The following ZNF532 variants were observed in gnomAD, a reference collection of about 807,000 sequenced individuals.
ZNF532 encodes the protein zinc finger protein 532.
A neutral mutation model predicts 89.3 loss-of-function variants in ZNF532; 22 were observed. The ratio of observed to expected loss-of-function variants is 0.25; its 90% CI spans 0.18 to 0.35. ZNF532 has a LOEUF of 0.35. ZNF532 is among the 10% of genes least tolerant of loss of function. The pLI is 1.00. For synonymous variants in ZNF532, 606 were observed against 649.6 expected (o/e 0.93, Z 1.02); for missense variants, 1,132 against 1,643.4 (o/e 0.69, Z 5.38).
intron 2 of ZNF532, among the ~76,000 whole-genome samples, chr18:58,875,289 G>T (rs550203112): frequency 6.6e-6 from 1 of 152,234 alleles, no homozygotes; most frequent in South Asian, 2.1e-4. Flanking sequence ...GGGATTATGG[G>T]CATGAGCCAC....
chr18:58,907,167 C>G (rs1208862471), intron 2 of ZNF532, among the ~76,000 whole-genome samples: 1 of 151,990 alleles, frequency 6.6e-6, no homozygotes, highest in African/African-American at 2.4e-5. Context: ...AAGGCTGCTG[C>G]TGCTGCTTAT....
Position 58,888,803 on chromosome 18 carries a change from AT to A in ZNF532, c.-18+23225del, listed in dbSNP as rs1568246976. On this transcript the variant is annotated intron_variant, in intron 2 of 9. Coordinates refer to ENST00000591808, the MANE Select transcript of ZNF532 (RefSeq NM_001375912.1). ...TATATATAAAATATATATAATTTATATATATAAAAAATTATATATATAAATT... is the reference window on the plus strand; with the variant it reads ...TATATATAAAATATATATAATTTATAATATAAAAAATTATATATATAAATT... Among the ~76,000 whole-genome samples the A allele has an allele frequency of 1.8e-4, 11 of 60,086 alleles. No homozygotes were observed. The South Asian group carries it at 2.9e-3, about 16-fold the overall frequency. 39.4% of individuals were successfully genotyped at this position (60,086 alleles called of 152,430 possible).
At chr18:58,969,711 A>T in intron 7 of ZNF532, among the ~76,000 whole-genome samples, 1 of 152,208 alleles carries the variant, frequency 6.6e-6, no homozygotes. Context: ...TTACTTTTTA[A>T]TGTTGTTAAC....
At chr18:58,916,836 A>T (rs2060635041) in intron 2 of ZNF532, 2 of 599,220 alleles carry the variant, frequency 3.3e-6, no homozygotes, top group Non-Finnish European at 4.2e-6. Context: ...TTGACCCTGG[A>T]ATAGTTACTT....
chr18:58,939,865 G>T, intron 5 of ZNF532: 2 of 299,788 alleles, frequency 6.7e-6, no homozygotes, highest in Non-Finnish European at 1.2e-5. Context: ...TGCTCAACAA[G>T]TAAATATTTA....
chr18:58,966,288 A>G (rs1007682417), intron 7 of ZNF532, among the ~76,000 whole-genome samples: 1 of 152,190 alleles, frequency 6.6e-6, no homozygotes, highest in Non-Finnish European at 1.5e-5. Flanking sequence ...ATATATTTTT[A>G]AGAATAGCTA....
intron 7 of ZNF532, among the ~76,000 whole-genome samples, chr18:58,959,329 G>GT (rs2065125135): frequency 6.9e-6 from 1 of 145,960 alleles, no homozygotes; most frequent in African/African-American, 2.6e-5. Context: ...CTAAAGTGCA[G>GT]TAGGGTAATC....
intron 7 of ZNF532, among the ~76,000 whole-genome samples, chr18:58,955,641 G>A (rs2064692841): frequency 6.6e-6 from 1 of 152,212 alleles, no homozygotes; most frequent in Non-Finnish European, 1.5e-5. Flanking sequence ...AATGGCCTGT[G>A]AACATGGCTG....
At chr18:58,889,420 C>A (rs1348794310) in intron 2 of ZNF532, among the ~76,000 whole-genome samples, 1 of 152,178 alleles carries the variant, frequency 6.6e-6, no homozygotes, top group African/African-American at 2.4e-5. Flanking sequence ...CTGTAAAATA[C>A]AGTTAGTAAG....
At chr18:58,974,152 A>G (rs1229477958) in intron 7 of ZNF532, among the ~76,000 whole-genome samples, 1 of 152,008 alleles carries the variant, frequency 6.6e-6, no homozygotes, top group Non-Finnish European at 1.5e-5. Flanking sequence ...TTTTTTTTGG[A>G]TATGTGCTAT....
At chr18:58,876,126 G>T (rs1233930181) in intron 2 of ZNF532, among the ~76,000 whole-genome samples, 1 of 151,942 alleles carries the variant, frequency 6.6e-6, no homozygotes, top group Non-Finnish European at 1.5e-5. Flanking sequence ...AGTAGAGACG[G>T]GGTTTCACCG....
chr18:58,911,417 G>A (rs1029849879), intron 2 of ZNF532, among the ~76,000 whole-genome samples: 12 of 152,178 alleles, frequency 7.9e-5, no homozygotes, highest in Non-Finnish European at 1.0e-4. Flanking sequence ...AAGAGGGAGA[G>A]ATTAGTAACA....
chr18:58,941,179 CT>C (rs1028372023), intron 5 of ZNF532, among the ~76,000 whole-genome samples: 5 of 152,132 alleles, frequency 3.3e-5, no homozygotes, highest in Admixed American at 1.3e-4. Context: ...GTCTTGATGT[CT>C]TGACTCTGAA....
chr18:58,973,951 A>T (rs1427710107), intron 7 of ZNF532, among the ~76,000 whole-genome samples: 1 of 152,146 alleles, frequency 6.6e-6, no homozygotes, highest in Non-Finnish European at 1.5e-5. Flanking sequence ...CAGAGATAGA[A>T]AGCAAATCCC....
Position 58,866,278 on chromosome 18 carries a change from C to T in ZNF532, c.-18+699C>T, listed in dbSNP as rs914530909. 5.9e-5 allele frequency among the ~76,000 whole-genome samples: 9 copies of T among 152,138 alleles called. No individual in the cohort carries two copies. In the East Asian group the frequency reaches 1.5e-3, roughly 26 times the overall value. On this transcript the variant is annotated intron_variant, in intron 2 of 9. Transcript: ENST00000591808. ...GAAAATGTCTGATGCCTTTAAAGAT[C>T]GCAGTTAGGTTTGAGCAGGCATTTT... is the stretch of plus-strand genomic sequence containing the variant.
In ZNF532 at chr18:58,953,542, A is replaced by G. The variant is rs1276805635; in HGVS notation, c.2893A>G (p.Ile965Val). 1 of 1,612,508 alleles carries G rather than the reference A, an allele frequency of 6.2e-7. No individual in the cohort carries two copies. The highest frequency in any genetic ancestry group is 8.5e-7 in the Non-Finnish European group (1 of 1,179,244). Residue 965 changes from isoleucine to valine, a missense_variant, in exon 7 of 10, where the codon ATT (isoleucine) becomes GTT (valine). This residue lies in a region of ZNF532 where 415 missense variants were observed against 604.8 expected (regional missense o/e 0.69). Transcript: ENST00000591808. ...GTCTATGCATGGAACATTGAAAAGTATTGAAGGGCCTCCAAACTTGGGTAT... is the reference window on the plus strand; with the variant it reads ...GTCTATGCATGGAACATTGAAAAGTGTTGAAGGGCCTCCAAACTTGGGTAT... The part of the protein sequence containing the change: ...IKSMHGTLKS[I>V]EGPPNLGINL...
intron 9 of ZNF532, among the ~76,000 whole-genome samples, chr18:58,982,120 A>T (rs1225784464): frequency 6.6e-6 from 1 of 151,914 alleles, no homozygotes; most frequent in African/African-American, 2.4e-5. Context: ...CAACATGGTG[A>T]AACCCCATCT....
In ZNF532 at chr18:58,918,656, C is replaced by T; in HGVS notation, c.369C>T (p.Asp123=). 6.2e-7 allele frequency: 1 copy of T among 1,614,162 alleles called. No homozygotes were observed. Among genetic ancestry groups the T allele is most frequent in the South Asian group, 1.1e-5 (1 of 91,088 alleles). The change falls in exon 3 of 10, where the codon GAC becomes GAT. Residue 123 remains aspartate, a synonymous_variant. Coordinates refer to ENST00000591808, the MANE Select transcript of ZNF532 (RefSeq NM_001375912.1). The part of the protein sequence containing the change: ...DVPASEVTLK[D]STFSQFSPIS... ...CTGCCTCTGAGGTGACACTGAAAGA[C>T]TCGACATTCAGCCAGTTTAGCCCGA...
intron 7 of ZNF532, among the ~76,000 whole-genome samples, chr18:58,970,509 G>T (rs770996673): frequency 1.3e-5 from 2 of 152,232 alleles, no homozygotes; most frequent in Admixed American, 6.5e-5. Flanking sequence ...GGGCAGCAAA[G>T]ATTTTTTTCA....
Sources: gnomAD v4.1 joint callset for allele counts (sites outside exome capture counted in the v4.1 genomes callset) on GRCh38, gnomAD v4.1.1 for gene constraint, gnomAD v4.1.1 regional missense constraint, MANE v1.5 for transcripts, NCBI Gene and HGNC (gene_info 2026-07-23, HGNC 2026-07-21) for gene names.